Variants in AGAP1 observed in about 807,000 individuals in gnomAD.
The protein encoded by AGAP1 is arf-GAP with GTPase, ANK repeat and PH domain-containing protein 1.
In AGAP1, 29 loss-of-function variants were observed where a neutral mutation model predicts 105.3. The observed-to-expected ratio is 0.28, with a 90% CI of 0.21 to 0.38. AGAP1 has a LOEUF of 0.38. Ranked by LOEUF, AGAP1 falls within the 10% of genes least tolerant of loss-of-function variation. The pLI, the probability that AGAP1 is intolerant of heterozygous loss-of-function variation, is 1.00. For synonymous variants in AGAP1, 509 were observed against 485.9 expected, an observed-to-expected ratio of 1.05 and a Z score of -0.63; for missense variants, 998 against 1,165.1, an observed-to-expected ratio of 0.86 and a Z score of 2.09.
intron 9 of AGAP1, among the ~76,000 whole-genome samples, chr2:235,873,492 G>A (rs978952158): frequency 1.4e-4 from 21 of 151,998 alleles, no homozygotes; most frequent in African/African-American, 4.8e-4. Context: ...TATTGTTTTG[G>A]CAAACTTTTT....
In AGAP1 at chr2:235,578,800, AT is replaced by A. The variant is rs58489076; in HGVS notation, c.163+83961del. Among the ~76,000 whole-genome samples, 188 of 139,792 alleles carry A rather than the reference AT, an allele frequency of 1.3e-3. No individual in the cohort carries two copies. The highest frequency in any genetic ancestry group is 4.8e-3 in the African/African-American group (174 of 36,160). 91.7% of individuals were successfully genotyped at this position (139,792 alleles called of 152,430 possible). On this transcript the variant is annotated intron_variant, in intron 1 of 17. Coordinates refer to ENST00000304032, the MANE Select transcript of AGAP1 (RefSeq NM_001037131.3). This position sits in a 1 kb window ranked among gnomAD's most constrained non-coding sequence, Gnocchi z 4.9. ...ACTCAGTCTCAAAAAAAAAAAAAAAATTTTTTTTTTACAATAAGCTATTTAA... is the reference window on the plus strand; with the variant it reads ...ACTCAGTCTCAAAAAAAAAAAAAAAATTTTTTTTTACAATAAGCTATTTAA...
intron 9 of AGAP1, among the ~76,000 whole-genome samples, chr2:235,878,258 A>G (rs1378034208): frequency 6.6e-6 from 1 of 152,230 alleles, no homozygotes; most frequent in East Asian, 1.9e-4. Context: ...GGTTCAGTGT[A>G]ACCAGCGTTC....
intron 13 of AGAP1, among the ~76,000 whole-genome samples, chr2:235,990,802 GC>G (rs1369165439): frequency 1.3e-5 from 2 of 152,196 alleles, no homozygotes; most frequent in Non-Finnish European, 2.9e-5. Context: ...TATGACCATG[GC>G]CATTTTTGGA....
In AGAP1 at chr2:235,963,527, A is replaced by G. The variant is rs1005574031; in HGVS notation, c.1484-4935A>G. Among the ~76,000 whole-genome samples, 1 of 152,240 alleles carries G rather than the reference A, an allele frequency of 6.6e-6. No individual in the cohort carries two copies. Among genetic ancestry groups the G allele is most frequent in the African/African-American group, 2.4e-5 (1 of 41,474 alleles). On this transcript the variant is annotated intron_variant, in intron 12 of 17. Transcript: ENST00000304032. The surrounding 1 kb of genome is among the most constrained non-coding windows in gnomAD (Gnocchi z 5.1). ...CAAAAATACGTGTGAGTTGGGTACC[A>G]TATAGCCCTCAGCAGAGTATTTGAC... is the stretch of plus-strand genomic sequence containing the variant.
intron 9 of AGAP1, among the ~76,000 whole-genome samples, chr2:235,817,511 C>G (rs942284130): frequency 1.3e-5 from 2 of 151,510 alleles, no homozygotes. Context: ...GTTTTGAAAC[C>G]AAAACACTCT....
intron 6 of AGAP1, among the ~76,000 whole-genome samples, chr2:235,784,425 T>G (rs573536102): frequency 6.6e-6 from 1 of 152,330 alleles, no homozygotes; most frequent in East Asian, 1.9e-4. Flanking sequence ...ATCAGTATTC[T>G]CTGCTGAACT....
chr2:235,753,849 A>G lies in AGAP1; in HGVS notation c.673+3361A>G, dbSNP rs1408609896. Among the ~76,000 whole-genome samples, 3 of 152,170 alleles carry G rather than the reference A, an allele frequency of 2.0e-5. No individual in the cohort carries two copies. The highest frequency in any genetic ancestry group is 1.9e-4 in the East Asian group (1 of 5,202). On this transcript the variant is annotated intron_variant, in intron 6 of 17. Transcript: ENST00000304032. The surrounding 1 kb of genome is among the most constrained non-coding windows in gnomAD (Gnocchi z 4.5). The stretch of plus-strand genomic sequence containing the variant: ...TTTAAAATAAAATCAGTTACTTTGT[A>G]TATTTTATATCATAGTTATATGGTA...
chr2:236,013,134 GC>G (rs1405629503), intron 13 of AGAP1, among the ~76,000 whole-genome samples: 4 of 152,340 alleles, frequency 2.6e-5, no homozygotes, highest in Admixed American at 6.5e-5. Flanking sequence ...CTAAATCACA[GC>G]TAGTTTTTAC....
rs554833258 is a variant in AGAP1, at chr2:235,671,324, A to G, written c.164-37855A>G. Among the ~76,000 whole-genome samples the G allele has an allele frequency of 1.0e-3, 156 of 152,228 alleles. 1 individual carries two copies. Among genetic ancestry groups the G allele is most frequent in the African/African-American group, 3.5e-3 (145 of 41,550 alleles). ...TTGACCCGGGAGAGGTCGCCTTGCCAGCCGGCGCCGACCTCCTTCGCGTGC... is the reference window on the plus strand; with the variant it reads ...TTGACCCGGGAGAGGTCGCCTTGCCGGCCGGCGCCGACCTCCTTCGCGTGC... On this transcript the variant is annotated intron_variant, in intron 1 of 17. Transcript: ENST00000304032.
intron 1 of AGAP1, among the ~76,000 whole-genome samples, chr2:235,651,215 A>AAAG (rs1947579732): frequency 7.1e-6 from 1 of 140,746 alleles, no homozygotes; most frequent in Non-Finnish European, 1.5e-5. Flanking sequence ...AAAAAAAAAA[A>AAAG]AAGAGACACC....
chr2:235,694,653 G>GA lies in AGAP1; in HGVS notation c.164-14515dup, dbSNP rs796192262. Among the ~76,000 whole-genome samples the GA allele has an allele frequency of 4.8e-3, 684 of 143,462 alleles. 7 individuals are homozygous for GA. Among genetic ancestry groups the GA allele is most frequent in the African/African-American group, 0.014 (565 of 39,482 alleles). The allele number at this position is 143,462 out of a possible 152,430, so 94.1% of individuals were successfully genotyped here. ...ATAGAACGAGACTCCGCCTCAGGGA[G>GA]AAAAAAAAAAAGAAAAAAAGGAAGC... is the stretch of plus-strand genomic sequence containing the variant. On this transcript the variant is annotated intron_variant, in intron 1 of 17. Transcript: ENST00000304032.
intron 16 of AGAP1, among the ~76,000 whole-genome samples, chr2:236,060,844 T>C (rs909149286): frequency 6.6e-6 from 1 of 152,208 alleles, no homozygotes; most frequent in African/African-American, 2.4e-5. Context: ...GGAGGATCAC[T>C]TGAGGCCAGC....
In AGAP1 at chr2:235,700,635, A is replaced by C. The variant is rs1281113728; in HGVS notation, c.164-8544A>C. On this transcript the variant is annotated intron_variant, in intron 1 of 17. Transcript: ENST00000304032. This position sits in a 1 kb window ranked among gnomAD's most constrained non-coding sequence, Gnocchi z 6.1. ...GGGAACATGGCGAAACCCCGTCTCT[A>C]CTGAAAATACAAAAATTAGCCAGGC... Among the ~76,000 whole-genome samples the C allele has an allele frequency of 6.6e-6, 1 of 152,056 alleles. No individual in the cohort carries two copies. The highest frequency in any genetic ancestry group is 1.5e-5 in the Non-Finnish European group (1 of 68,018).
rs1015551164 is a variant in AGAP1 at position 235,578,668 on chromosome 2, C to G, written c.163+83819C>G. ...GATGTGGTGGTGTGCACCTGTAATC[C>G]CAGCTACTTGGGAGGCTGAGGCAGG... is the stretch of plus-strand genomic sequence containing the variant. On this transcript the variant is annotated intron_variant, in intron 1 of 17. Coordinates refer to ENST00000304032, the MANE Select transcript of AGAP1 (RefSeq NM_001037131.3). The surrounding 1 kb of genome is among the most constrained non-coding windows in gnomAD (Gnocchi z 4.9). Among the ~76,000 whole-genome samples the G allele has an allele frequency of 5.9e-5, 9 of 151,720 alleles. No homozygotes were observed. Among genetic ancestry groups the G allele is most frequent in the African/African-American group, 1.9e-4 (8 of 41,282 alleles).
intron 1 of AGAP1, among the ~76,000 whole-genome samples, chr2:235,674,378 AG>A (rs765983724): frequency 6.6e-6 from 1 of 152,236 alleles, no homozygotes; most frequent in Non-Finnish European, 1.5e-5. Context: ...ATGACATTGT[AG>A]GGGGTCCCCT....
At chr2:235,673,408 A>G (rs1948544194) in intron 1 of AGAP1, among the ~76,000 whole-genome samples, 1 of 152,216 alleles carries the variant, frequency 6.6e-6, no homozygotes, top group African/African-American at 2.4e-5. Context: ...CACTGGGGAC[A>G]GGTGGGTTTG....
rs2054895319 is a variant in AGAP1, at chr2:235,977,142, A to G, written c.1645+8519A>G. ...CTCACAGGCTCCGGCGTCCATCAGC[A>G]GAGAACTCGGGGCACCGTGTTTTCC... On this transcript the variant is annotated intron_variant, in intron 13 of 17. Transcript: ENST00000304032. The surrounding 1 kb of genome is among the most constrained non-coding windows in gnomAD (Gnocchi z 5.2). 6.6e-6 allele frequency among the ~76,000 whole-genome samples: 1 copy of G among 152,162 alleles called. No homozygotes were observed. Among genetic ancestry groups the G allele is most frequent in the Admixed American group, 6.5e-5 (1 of 15,270 alleles).
At chr2:235,847,346 A>C (rs900690628) in intron 9 of AGAP1, among the ~76,000 whole-genome samples, 1 of 152,196 alleles carries the variant, frequency 6.6e-6, no homozygotes, top group Admixed American at 6.5e-5. Flanking sequence ...TGCTCTTTCT[A>C]CTCACTGACT....
At chr2:235,652,737 CAA>C (rs150899254) in intron 1 of AGAP1, among the ~76,000 whole-genome samples, 5,358 of 152,114 alleles carry the variant, frequency 0.035, 323 homozygotes, top group African/African-American at 0.12. Flanking sequence ...CTTAAAAACA[CAA>C]AAATTAGCCA....
Sources: gnomAD v4.1 joint callset for allele counts (sites outside exome capture counted in the v4.1 genomes callset) on GRCh38, gnomAD v4.1.1 for gene constraint, Gnocchi (gnomAD v3.1) non-coding constraint, MANE v1.5 for transcripts, NCBI Gene and HGNC (gene_info 2026-07-23, HGNC 2026-07-21) for gene names.